The following CD96 variants were observed in gnomAD, a reference collection of about 807,000 sequenced individuals.
CD96 encodes the protein CD96 molecule.
A neutral mutation model predicts 71.3 loss-of-function variants in CD96; 70 were observed. The observed-to-expected ratio is 0.98, with a 90% confidence interval of 0.81 to 1.20. CD96 has a LOEUF of 1.20. Ranked by LOEUF, CD96 falls within the 50% of genes most tolerant of loss-of-function variation. The pLI is 0.00. For synonymous variants in CD96, 248 were observed against 233.0 expected (o/e 1.06, Z -0.59); for missense variants, 742 against 677.5 (o/e 1.10, Z -1.06).
intron 8 of CD96, among the ~76,000 whole-genome samples, chr3:111,617,096 C>A (rs1938279540): frequency 6.6e-6 from 1 of 152,216 alleles, no homozygotes; most frequent in South Asian, 2.1e-4. Context: ...CCCCTCCAGA[C>A]TTTGGGCGCC....
intron 5 of CD96, among the ~76,000 whole-genome samples, chr3:111,589,394 ATAAAATTTC>A (rs1936869844): frequency 6.6e-6 from 1 of 152,220 alleles, no homozygotes; most frequent in Non-Finnish European, 1.5e-5. Context: ...CTAATGTGCC[ATAAAATTTC>A]CTCTTCTCTA....
Position 111,545,059 on chromosome 3 carries a change from A to G in CD96, c.75A>G (p.Lys25=). The G allele has an allele frequency of 6.2e-7, 1 of 1,614,034 alleles. No homozygotes were observed. Among genetic ancestry groups the G allele is most frequent in the Non-Finnish European group, 8.5e-7 (1 of 1,179,944 alleles). Residue 25 remains lysine, a synonymous_variant, in exon 2 of 14, where the codon AAA becomes AAG. Transcript: ENST00000352690. Reference sequence around the variant, plus strand: ...CTTTCTTTTCAGGAGTTTGGGAAAAAACAGTCAACACAGAAGAAAATGTTT... The same window carrying G: ...CTTTCTTTTCAGGAGTTTGGGAAAAGACAGTCAACACAGAAGAAAATGTTT... ...QIHFVKGVWE[K]TVNTEENVYA...
At chr3:111,579,395 A>C (rs768313338) in intron 4 of CD96, 161 bp downstream of exon 4, 2 of 701,564 alleles carry the variant, frequency 2.9e-6, no homozygotes, top group African/African-American at 3.5e-5. Flanking sequence ...GGGCAGGGGG[A>C]TGAGGGTAGG....
At chr3:111,614,713 TCTCTC>T (rs1938142393) in intron 8 of CD96, among the ~76,000 whole-genome samples, 1 of 152,186 alleles carries the variant, frequency 6.6e-6, no homozygotes, top group Admixed American at 6.5e-5. Flanking sequence ...TGTGGCCCTG[TCTCTC>T]TTCTCCATGC....
chr3:111,657,560 GA>G (rs1221947800), intron 14 of CD96, among the ~76,000 whole-genome samples: 1 of 152,144 alleles, frequency 6.6e-6, no homozygotes, highest in Non-Finnish European at 1.5e-5. Flanking sequence ...TTGGTAGTAA[GA>G]TTTTTTTATT....
intron 2 of CD96, among the ~76,000 whole-genome samples, chr3:111,566,239 A>T (rs1341172376): frequency 6.6e-6 from 1 of 151,888 alleles, no homozygotes; most frequent in Non-Finnish European, 1.5e-5. Context: ...TGATCCATTA[A>T]TTATACCTCA....
intron 3 of CD96, among the ~76,000 whole-genome samples, chr3:111,576,142 T>A (rs1354895020): frequency 6.6e-6 from 1 of 152,226 alleles, no homozygotes; most frequent in East Asian, 1.9e-4. Context: ...CCCATTAAAA[T>A]GTGGGAGTCT....
chr3:111,626,113 C>CT lies in CD96; in HGVS notation c.1321+1710dup, dbSNP rs138937354. Among the ~76,000 whole-genome samples, 343 of 152,004 alleles carry CT rather than the reference C, an allele frequency of 2.3e-3. 1 individual carries two copies. The highest frequency in any genetic ancestry group is 8.0e-3 in the African/African-American group (333 of 41,486). ...GGTCAGGAGATCAAGACCATCCTGG[C>CT]TAACAGTGAAGCCCCATCTCTACTG... On this transcript the variant is annotated intron_variant, in intron 10 of 13. Coordinates refer to ENST00000352690, the MANE Select transcript of CD96 (RefSeq NM_005816.5).
chr3:111,544,978 A>G lies in CD96; in HGVS notation c.62-68A>G, dbSNP rs111452160. ...CTCCCCTCACCTTACTGAAGTGACT[A>G]GGGTTTTTAATTAAGCGTCATTCTA... On this transcript the variant is annotated intron_variant, in intron 1 of 13. Transcript: ENST00000352690. The G allele has an allele frequency of 1.6e-3, 2,103 of 1,337,704 alleles. 12 individuals are homozygous for G. The highest frequency in any genetic ancestry group is 5.4e-3 in the South Asian group (458 of 85,040). The allele number at this position is 1,337,704 out of a possible 1,614,324, so 82.9% of individuals were successfully genotyped here.
Position 111,545,091 on chromosome 3 carries a change from C to T in CD96, c.107C>T (p.Thr36Ile). The T allele has an allele frequency of 2.5e-6, 4 of 1,614,164 alleles. No individual in the cohort carries two copies. Among genetic ancestry groups the T allele is most frequent in the Non-Finnish European group, 3.4e-6 (4 of 1,180,018 alleles). ...TVNTEENVYA[T>I]LGSDVNLTCQ... ...AACACAGAAGAAAATGTTTATGCTA[C>T]ACTTGGCTCTGATGTCAACCTGACC... The change falls in exon 2 of 14, where the codon ACA becomes ATA. Residue 36 changes from threonine to isoleucine, a missense_variant. Transcript: ENST00000352690.
Position 111,563,525 on chromosome 3 carries a change from A to T in CD96, c.419-3998A>T, listed in dbSNP as rs1336685895. Reference sequence around the variant, plus strand: ...TTTACTAAAGCTCTAGTGATTTTTCAATAAGAAATGCTTTGCAATTTAATG... The same window carrying T: ...TTTACTAAAGCTCTAGTGATTTTTCTATAAGAAATGCTTTGCAATTTAATG... On this transcript the variant is annotated intron_variant, in intron 2 of 13. Transcript: ENST00000352690. 2.0e-5 allele frequency among the ~76,000 whole-genome samples: 3 copies of T among 152,196 alleles called. No homozygotes were observed. The East Asian group carries it at 5.8e-4, about 29-fold the overall frequency.
chr3:111,544,559 T>C (rs1346947855), intron 1 of CD96, among the ~76,000 whole-genome samples: 2 of 152,162 alleles, frequency 1.3e-5, no homozygotes, highest in East Asian at 3.8e-4. Flanking sequence ...AGATAAGATA[T>C]GAAAGGCCCT....
At chr3:111,542,688 G>A (rs923178485) in intron 1 of CD96, among the ~76,000 whole-genome samples, 3 of 152,166 alleles carry the variant, frequency 2.0e-5, no homozygotes, top group African/African-American at 7.2e-5. Context: ...AACGCTCAGA[G>A]ATCCTTGTTT....
At chr3:111,554,710 A>G (rs955834978) in intron 2 of CD96, among the ~76,000 whole-genome samples, 3 of 152,026 alleles carry the variant, frequency 2.0e-5, no homozygotes, top group South Asian at 2.1e-4. Flanking sequence ...CAACTTTTCC[A>G]TAGACTGTGG....
intron 8 of CD96, among the ~76,000 whole-genome samples, chr3:111,623,464 A>C (rs1938602843): frequency 6.6e-6 from 1 of 152,234 alleles, no homozygotes; most frequent in Non-Finnish European, 1.5e-5. Flanking sequence ...CCCAGCGTGC[A>C]GAATAGAGTC....
intron 12 of CD96, among the ~76,000 whole-genome samples, chr3:111,640,085 C>A (rs1419322223): frequency 3.3e-5 from 5 of 152,174 alleles, no homozygotes; most frequent in Non-Finnish European, 7.4e-5. Context: ...CAACACCCCC[C>A]AAAACAATCA....
chr3:111,664,445 G>A (rs1650994237), intron 14 of CD96, among the ~76,000 whole-genome samples: 2 of 152,162 alleles, frequency 1.3e-5, no homozygotes, highest in South Asian at 2.1e-4. Context: ...ACTTATAAGT[G>A]GGAGCTAAAC....
intron 7 of CD96, among the ~76,000 whole-genome samples, chr3:111,606,359 A>T (rs1362783498): frequency 6.6e-6 from 1 of 152,226 alleles, no homozygotes; most frequent in Non-Finnish European, 1.5e-5. Context: ...TAGTTTTACC[A>T]GGTCTTGGTA....
chr3:111,620,646 G>A (rs1938474902), intron 8 of CD96, among the ~76,000 whole-genome samples: 1 of 152,160 alleles, frequency 6.6e-6, no homozygotes, highest in South Asian at 2.1e-4. Flanking sequence ...ATAACTTTGT[G>A]CTCCCTGGGG....
Sources: allele counts gnomAD v4.1 joint callset (sites outside exome capture counted in the v4.1 genomes callset), GRCh38; gene constraint gnomAD v4.1.1; transcripts MANE v1.5; gene names NCBI Gene and HGNC (gene_info 2026-07-23, HGNC 2026-07-21).